ATXN7L1: variants seen among roughly 807,000 people sequenced by gnomAD.
ATXN7L1 encodes the protein ataxin 7 like 1, also known as ataxin-7-like protein 1.
A neutral mutation model predicts 70.8 loss-of-function variants in ATXN7L1; 15 were observed. The observed-to-expected ratio is 0.21, with a 90% CI of 0.14 to 0.33. ATXN7L1 has a LOEUF of 0.33. Ranked by LOEUF, ATXN7L1 falls within the 10% of genes least tolerant of loss-of-function variation. The probability of loss-of-function intolerance (pLI) is 1.00; values close to 1 mark genes in which losing one functional copy is unlikely to be tolerated. For missense variants in ATXN7L1, 975 were observed against 1,097.1 expected, an observed-to-expected ratio of 0.89 and a Z score of 1.57; for synonymous variants, 440 against 445.1, an observed-to-expected ratio of 0.99 and a Z score of 0.14.
intron 3 of ATXN7L1, among the ~76,000 whole-genome samples, chr7:105,764,149 C>T (rs372536213): frequency 7.2e-4 from 109 of 152,126 alleles, no homozygotes; most frequent in African/African-American, 2.4e-3. Flanking sequence ...CCATGGTGCC[C>T]GGCTGTAGTT....
At position 105,683,992 on chromosome 7, in the gene ATXN7L1, A is replaced by C. The variant is rs568937204; in HGVS notation, c.356-18704T>G. On this transcript the variant is annotated intron_variant, in intron 3 of 11. Transcript: ENST00000419735. The stretch of plus-strand genomic sequence containing the variant: ...TGCAGGCCCCCTTCTTCAGGAGTGC[A>C]GTTGCTCATCCACACTCCTGCCCAG... Among the ~76,000 whole-genome samples, 18 of 152,332 alleles carry C rather than the reference A, an allele frequency of 1.2e-4. 1 individual carries two copies. The South Asian group carries it at 3.3e-3, about 28-fold the overall frequency.
At chr7:105,641,074 A>T (rs1010432383) in intron 5 of ATXN7L1, among the ~76,000 whole-genome samples, 4 of 152,196 alleles carry the variant, frequency 2.6e-5, no homozygotes, top group Non-Finnish European at 4.4e-5. Context: ...TTTGAGGGTC[A>T]TGGGGAGGTT....
intron 2 of ATXN7L1, among the ~76,000 whole-genome samples, chr7:105,792,996 A>C (rs1805469449): frequency 1.3e-5 from 2 of 152,260 alleles, no homozygotes; most frequent in South Asian, 4.1e-4. Context: ...AGGCAAGGCA[A>C]CTATAGTAAA....
At chr7:105,825,924 G>A (rs1454534333) in intron 2 of ATXN7L1, among the ~76,000 whole-genome samples, 1 of 152,212 alleles carries the variant, frequency 6.6e-6, no homozygotes, top group African/African-American at 2.4e-5. Flanking sequence ...GAATGGAGAA[G>A]CCATAGGGAA....
chr7:105,660,775 G>A (rs1290989880), intron 4 of ATXN7L1, among the ~76,000 whole-genome samples: 2 of 151,832 alleles, frequency 1.3e-5, no homozygotes, highest in Non-Finnish European at 2.9e-5. Context: ...TAGAGACAGG[G>A]TTTCACCATG....
intron 2 of ATXN7L1, among the ~76,000 whole-genome samples, chr7:105,791,764 A>G (rs1805281050): frequency 6.6e-6 from 1 of 152,210 alleles, no homozygotes; most frequent in Non-Finnish European, 1.5e-5. Flanking sequence ...GATGAGGGCT[A>G]CAACTTATTT....
intron 3 of ATXN7L1, among the ~76,000 whole-genome samples, chr7:105,759,081 C>T (rs916763461): frequency 3.3e-5 from 5 of 151,510 alleles, no homozygotes; most frequent in South Asian, 2.1e-4. Context: ...AACTACTACA[C>T]AGAAAATGTT....
intron 3 of ATXN7L1, among the ~76,000 whole-genome samples, chr7:105,698,247 C>T (rs1451125999): frequency 6.6e-6 from 1 of 152,170 alleles, no homozygotes; most frequent in East Asian, 1.9e-4. Context: ...CCTGATCATA[C>T]CTGCAACTAG....
chr7:105,854,386 T>C (rs901454339), intron 2 of ATXN7L1, among the ~76,000 whole-genome samples: 2 of 150,914 alleles, frequency 1.3e-5, no homozygotes, highest in South Asian at 4.2e-4. Context: ...CTGCTGAGCG[T>C]CTGTCAGGGG....
Position 105,828,848 on chromosome 7 carries a change from T to C in ATXN7L1, c.251-40140A>G, listed in dbSNP as rs190822189. Among the ~76,000 whole-genome samples the C allele has an allele frequency of 5.9e-5, 9 of 152,274 alleles. No individual in the cohort carries two copies. The East Asian group carries it at 1.7e-3, about 29-fold the overall frequency. ...AGATGAGAGCTGTGAGCACTGACAA[T>C]TTCTAAAGAAGCAATACATGGACTC... On this transcript the variant is annotated intron_variant, in intron 2 of 11. Coordinates refer to ENST00000419735, the MANE Select transcript of ATXN7L1 (RefSeq NM_020725.2).
Position 105,788,717 on chromosome 7 carries a change from G to A in ATXN7L1, c.251-9C>T, listed in dbSNP as rs753674718. On this transcript the variant is annotated splice_polypyrimidine_tract_variant and intron_variant, in intron 2 of 11. Transcript: ENST00000419735. ...GCCAAATAAGTGCATATCTGTGGGG[G>A]AAATGAAAACAAGTGTGTTTTGAAA... 2 of 1,591,208 alleles carry A rather than the reference G, an allele frequency of 1.3e-6. No homozygotes were observed. Among genetic ancestry groups the A allele is most frequent in the South Asian group, 2.2e-5 (2 of 90,568 alleles).
At chr7:105,656,576 C>CTTTTT (rs10690416) in intron 4 of ATXN7L1, among the ~76,000 whole-genome samples, 43,550 of 139,404 alleles carry the variant, frequency 0.31, 7,855 homozygotes, top group African/African-American at 0.5. Flanking sequence ...CTTCTTCTTC[C>CTTTTT]TTTTTTTTTT....
chr7:105,736,423 G>A (rs1365104712), intron 3 of ATXN7L1, among the ~76,000 whole-genome samples: 1 of 152,168 alleles, frequency 6.6e-6, no homozygotes, highest in Non-Finnish European at 1.5e-5. Context: ...TTTGCAGCAG[G>A]CAAGGTTGCT....
rs73411067 is a variant in ATXN7L1, at chr7:105,719,692, A to C, written c.356-54404T>G. 2.2e-3 allele frequency among the ~76,000 whole-genome samples: 342 copies of C among 152,266 alleles called. 1 individual carries two copies. The highest frequency in any genetic ancestry group is 7.8e-3 in the African/African-American group (324 of 41,524). On this transcript the variant is annotated intron_variant, in intron 3 of 11. Coordinates refer to ENST00000419735, the MANE Select transcript of ATXN7L1 (RefSeq NM_020725.2). ...TTTGGGGAAATCTGATACCTATTCA[A>C]ATAGGGGGTGTACCTGGAGCCCACA...
Position 105,730,397 on chromosome 7 carries a change from T to TA in ATXN7L1, c.355+58206dup, listed in dbSNP as rs1005823865. Reference sequence around the variant, plus strand: ...ACTCCTCAAAACTGTCAAGTTTATTTAAAAAAAAAACAAGGAAAGCCTGAG... The same window carrying TA: ...ACTCCTCAAAACTGTCAAGTTTATTTAAAAAAAAAAACAAGGAAAGCCTGAG... On this transcript the variant is annotated intron_variant, in intron 3 of 11. Coordinates refer to ENST00000419735, the MANE Select transcript of ATXN7L1 (RefSeq NM_020725.2). Among the ~76,000 whole-genome samples, 1,074 of 148,912 alleles carry TA rather than the reference T, an allele frequency of 7.2e-3. 12 individuals carry two copies. The highest frequency in any genetic ancestry group is 0.025 in the African/African-American group (998 of 40,604).
intron 3 of ATXN7L1, among the ~76,000 whole-genome samples, chr7:105,690,060 A>G (rs1052001555): frequency 3.3e-5 from 5 of 152,228 alleles, no homozygotes; most frequent in Non-Finnish European, 7.3e-5. Flanking sequence ...GCTGGAGTGC[A>G]ATGGCGCGCT....
chr7:105,825,589 A>G (rs1256166000), intron 2 of ATXN7L1, among the ~76,000 whole-genome samples: 3 of 118,712 alleles, frequency 2.5e-5, no homozygotes, highest in Non-Finnish European at 5.8e-5. Flanking sequence ...ATTGCCTAAT[A>G]TTGGTAGACA....
At chr7:105,640,490 G>A (rs1184452605) in intron 5 of ATXN7L1, among the ~76,000 whole-genome samples, 1 of 152,164 alleles carries the variant, frequency 6.6e-6, no homozygotes, top group East Asian at 1.9e-4. Flanking sequence ...AGACAATCAT[G>A]CTGTCCTCAC....
intron 4 of ATXN7L1, among the ~76,000 whole-genome samples, chr7:105,646,693 C>T (rs1252986683): frequency 2.0e-5 from 3 of 148,102 alleles, no homozygotes; most frequent in South Asian, 4.2e-4. Flanking sequence ...GCTGGGATTA[C>T]AGGCATGAGC....
Sources: allele counts gnomAD v4.1 joint callset (sites outside exome capture counted in the v4.1 genomes callset), GRCh38; gene constraint gnomAD v4.1.1; transcripts MANE v1.5; gene names NCBI Gene and HGNC (gene_info 2026-07-23, HGNC 2026-07-21).